TAFA1: variants seen among roughly 807,000 people sequenced by gnomAD.
TAFA1 encodes chemokine-like protein TAFA-1.
TAFA1 carries 4 observed loss-of-function variants against 18.5 expected under a neutral mutation model. That is an observed-to-expected ratio of 0.22 (90% CI 0.11 to 0.49). TAFA1 has a LOEUF of 0.49. TAFA1 is among the 20% of genes least tolerant of loss of function. The pLI, the probability that TAFA1 is intolerant of heterozygous loss-of-function variation, is 0.98. For synonymous variants in TAFA1, 56 were observed against 55.2 expected (o/e 1.01, Z -0.06); for missense variants, 147 against 169.0 (o/e 0.87, Z 0.72).
chr3:68,011,236 T>A (rs1704465490), intron 2 of TAFA1, among the ~76,000 whole-genome samples: 1 of 152,146 alleles, frequency 6.6e-6, no homozygotes, highest in African/African-American at 2.4e-5. Context: ...TTTTAAATTA[T>A]ATAGATAAAT....
chr3:68,460,363 T>C (rs1237173975), intron 3 of TAFA1, among the ~76,000 whole-genome samples: 1 of 152,164 alleles, frequency 6.6e-6, no homozygotes, highest in Non-Finnish European at 1.5e-5. Context: ...TTTGTTTTTT[T>C]CTTCAGCATC....
At chr3:68,288,018 C>A (rs926329055) in intron 2 of TAFA1, among the ~76,000 whole-genome samples, 1 of 151,854 alleles carries the variant, frequency 6.6e-6, no homozygotes, top group Non-Finnish European at 1.5e-5. Context: ...TGTCCAGGAG[C>A]CATGGTAAAT....
intron 2 of TAFA1, among the ~76,000 whole-genome samples, chr3:68,262,001 C>CCTACCTG (rs1377325060): frequency 6.6e-6 from 1 of 151,148 alleles, no homozygotes; most frequent in East Asian, 1.9e-4. Flanking sequence ...ATTTATATCA[C>CCTACCTG]CTACCTGCTA....
intron 2 of TAFA1, among the ~76,000 whole-genome samples, chr3:68,087,733 A>G (rs1281433782): frequency 1.3e-5 from 2 of 152,140 alleles, no homozygotes; most frequent in African/African-American, 4.8e-5. Flanking sequence ...TTTTAAATGA[A>G]GCAACATACT....
At chr3:68,386,817 C>T (rs1174164492) in intron 2 of TAFA1, among the ~76,000 whole-genome samples, 4 of 152,026 alleles carry the variant, frequency 2.6e-5, no homozygotes, top group Non-Finnish European at 4.4e-5. Context: ...TTGTTTGAGA[C>T]AATACCATTT....
intron 3 of TAFA1, among the ~76,000 whole-genome samples, chr3:68,486,456 C>G (rs978354638): frequency 6.6e-6 from 1 of 152,138 alleles, no homozygotes; most frequent in Admixed American, 6.6e-5. Flanking sequence ...TACCATGCCT[C>G]CAACATGAGA....
intron 2 of TAFA1, among the ~76,000 whole-genome samples, chr3:68,377,369 T>G (rs1299476292): frequency 6.6e-6 from 1 of 152,202 alleles, no homozygotes; most frequent in Non-Finnish European, 1.5e-5. Context: ...TAGATGGAGC[T>G]GAGGAACTTA....
chr3:68,120,543 G>T (rs13091934), intron 2 of TAFA1, among the ~76,000 whole-genome samples: 2 of 151,764 alleles, frequency 1.3e-5, no homozygotes, highest in African/African-American at 2.4e-5. Flanking sequence ...GCCACTGCAC[G>T]TGGCCAACCT....
intron 2 of TAFA1, among the ~76,000 whole-genome samples, chr3:68,024,757 A>T (rs1704776212): frequency 6.7e-6 from 1 of 149,944 alleles, no homozygotes; most frequent in African/African-American, 2.4e-5. Flanking sequence ...AGGCTGAGGC[A>T]ATTATTCTGT....
At chr3:68,122,727 A>G (rs1326632604) in intron 2 of TAFA1, among the ~76,000 whole-genome samples, 1 of 152,138 alleles carries the variant, frequency 6.6e-6, no homozygotes, top group Non-Finnish European at 1.5e-5. Context: ...AATAAATAAG[A>G]AATTTATTTT....
intron 2 of TAFA1, among the ~76,000 whole-genome samples, chr3:68,311,221 C>T (rs1344664902): frequency 7.2e-5 from 11 of 152,126 alleles, no homozygotes; most frequent in African/African-American, 2.4e-4. Context: ...TCCCATAAAA[C>T]GTGGGAATTA....
chr3:68,132,238 C>T lies in TAFA1; in HGVS notation c.118+125494C>T, dbSNP rs188353089. 8.8e-4 allele frequency among the ~76,000 whole-genome samples: 134 copies of T among 152,314 alleles called. 2 individuals carry two copies. The highest frequency in any genetic ancestry group is 3.1e-3 in the South Asian group (15 of 4,832). On this transcript the variant is annotated intron_variant, in intron 2 of 4. Coordinates refer to ENST00000478136, the MANE Select transcript of TAFA1 (RefSeq NM_213609.4). Reference sequence around the variant, plus strand: ...TCCTTTTTATGGCTGCATAGTATTCCGTGGTGTATATGTACCACATTTTCT... The same window carrying T: ...TCCTTTTTATGGCTGCATAGTATTCTGTGGTGTATATGTACCACATTTTCT...
chr3:68,022,983 T>TA lies in TAFA1; in HGVS notation c.118+16240dup, dbSNP rs1553704410. Among the ~76,000 whole-genome samples, 20 of 148,726 alleles carry TA rather than the reference T, an allele frequency of 1.3e-4. No individual in the cohort carries two copies. The East Asian group carries it at 2.7e-3, about 20-fold the overall frequency. ...TTACTCTTGTTTTTTTTTTTTTTTTTACTTTGTACCAGTGAAGGAAATCAG... is the reference window on the plus strand; with the variant it reads ...TTACTCTTGTTTTTTTTTTTTTTTTTAACTTTGTACCAGTGAAGGAAATCAG... On this transcript the variant is annotated intron_variant, in intron 2 of 4. Transcript: ENST00000478136.
chr3:68,399,857 G>A (rs2070455123), intron 2 of TAFA1, among the ~76,000 whole-genome samples: 1 of 152,134 alleles, frequency 6.6e-6, no homozygotes, highest in Non-Finnish European at 1.5e-5. Context: ...AGGTAGAGCT[G>A]TCAGCATTGG....
intron 2 of TAFA1, among the ~76,000 whole-genome samples, chr3:68,392,692 G>A (rs150146625): frequency 2.0e-5 from 3 of 152,260 alleles, no homozygotes; most frequent in Middle Eastern, 3.4e-3. Context: ...TAGAACTCAC[G>A]ATTAAGAAAC....
At chr3:68,212,947 ACT>A (rs1053931920) in intron 2 of TAFA1, among the ~76,000 whole-genome samples, 2 of 151,274 alleles carry the variant, frequency 1.3e-5, no homozygotes, top group African/African-American at 4.9e-5. Flanking sequence ...ATCTTTAGAA[ACT>A]CTCAGGATAT....
intron 2 of TAFA1, among the ~76,000 whole-genome samples, chr3:68,143,896 T>G (rs1337500240): frequency 6.6e-6 from 1 of 152,150 alleles, no homozygotes; most frequent in East Asian, 1.9e-4. Context: ...TTCCTCTGTG[T>G]CCCTGTCCCC....
At chr3:68,170,298 T>A (rs2066036300) in intron 2 of TAFA1, among the ~76,000 whole-genome samples, 1 of 152,196 alleles carries the variant, frequency 6.6e-6, no homozygotes, top group Non-Finnish European at 1.5e-5. Flanking sequence ...ATTTTTACTA[T>A]TTTACTTATC....
At chr3:68,356,070 G>A (rs569488739) in intron 2 of TAFA1, among the ~76,000 whole-genome samples, 28 of 151,952 alleles carry the variant, frequency 1.8e-4, no homozygotes, top group East Asian at 1.6e-3. Flanking sequence ...AGTGGCTAGC[G>A]GCTCCTTTAT....
Sources: gnomAD v4.1 joint callset for allele counts (sites outside exome capture counted in the v4.1 genomes callset) on GRCh38, gnomAD v4.1.1 for gene constraint, MANE v1.5 for transcripts, NCBI Gene and HGNC (gene_info 2026-07-23, HGNC 2026-07-21) for gene names.